Variants in AGBL4 observed in about 807,000 individuals in gnomAD.
AGBL4 encodes the protein AGBL carboxypeptidase 4.
AGBL4 carries 58 observed loss-of-function variants against 66.4 expected under a neutral mutation model. The ratio of observed to expected loss-of-function variants is 0.87; its 90% CI spans 0.71 to 1.09. The LOEUF (loss-of-function observed/expected upper bound fraction) is 1.09. AGBL4 is among the 50% of genes least tolerant of loss of function. The pLI is 0.00. For missense variants in AGBL4, 579 were observed against 631.0 expected (o/e 0.92, Z 0.88); for synonymous variants, 234 against 222.9 (o/e 1.05, Z -0.44).
At chr1:49,597,437 G>A (rs539722061) in intron 3 of AGBL4, among the ~76,000 whole-genome samples, 1 of 152,332 alleles carries the variant, frequency 6.6e-6, no homozygotes, top group East Asian at 1.9e-4. Flanking sequence ...CTCTGAAGAA[G>A]AGTCATCTCA....
chr1:48,968,202 C>T (rs369798314), intron 5 of AGBL4, among the ~76,000 whole-genome samples: 5 of 151,832 alleles, frequency 3.3e-5, no homozygotes, highest in Non-Finnish European at 7.4e-5. Context: ...ACAAGAAAAC[C>T]GAAGTGCTAG....
chr1:49,337,321 T>A lies in AGBL4; in HGVS notation c.283-91457A>T, dbSNP rs181811724. Among the ~76,000 whole-genome samples, 14 of 152,314 alleles carry A rather than the reference T, an allele frequency of 9.2e-5. No individual in the cohort carries two copies. The East Asian group carries it at 2.7e-3, about 29-fold the overall frequency. ...AGACAGACAGATGAAATCAGATTCATTAGATTCTGGCTGTCAAATAAAATA... is the reference window on the plus strand; with the variant it reads ...AGACAGACAGATGAAATCAGATTCAATAGATTCTGGCTGTCAAATAAAATA... On this transcript the variant is annotated intron_variant, in intron 3 of 13. Transcript: ENST00000371839.
chr1:48,591,090 A>T (rs866246340), intron 9 of AGBL4, 105 bp from the exon 10 acceptor site: 2 of 527,428 alleles, frequency 3.8e-6, no homozygotes, highest in Admixed American at 4.5e-5. Context: ...ACACCCACCC[A>T]CCCCCCCCCA....
At chr1:48,542,793 G>C (rs1644095461) in intron 11 of AGBL4, among the ~76,000 whole-genome samples, 1 of 152,118 alleles carries the variant, frequency 6.6e-6, no homozygotes. Context: ...TAGCTTGTCT[G>C]TTCACTCTGA....
intron 4 of AGBL4, among the ~76,000 whole-genome samples, chr1:49,063,042 T>C (rs1463884904): frequency 6.6e-6 from 1 of 152,228 alleles, no homozygotes; most frequent in Non-Finnish European, 1.5e-5. Context: ...AGTAAAGAGC[T>C]TTTGGTAATT....
rs938098859 is a variant in AGBL4 at position 49,846,495 on chromosome 1, T to C, written c.157+4901A>G. 7 of 921,810 alleles carry C rather than the reference T, an allele frequency of 7.6e-6. No individual in the cohort carries two copies. In the South Asian group the frequency reaches 1.1e-4, roughly 14 times the overall value. The allele number at this position is 921,810 out of a possible 1,614,324, so 57.1% of individuals were successfully genotyped here. On this transcript the variant is annotated intron_variant, in intron 2 of 13. Transcript: ENST00000371839. ...CAATCATACACATGAGAAACATATG[T>C]CTTTATCAACAGGGTGGAAACAGAC...
rs1352039259 is a variant in AGBL4, at chr1:49,931,913, T to A, written c.35-80395A>T. Among the ~76,000 whole-genome samples the A allele has an allele frequency of 2.6e-5, 4 of 152,102 alleles. No homozygotes were observed. The East Asian group carries it at 7.7e-4, about 29-fold the overall frequency. On this transcript the variant is annotated intron_variant, in intron 1 of 13. Coordinates refer to ENST00000371839, the MANE Select transcript of AGBL4 (RefSeq NM_032785.4). ...AAGGCAATGTGGCCCCAGTTGTGTA[T>A]CCCTAATCCAAAAATCCAAAATCCA...
At chr1:49,342,257 A>G (rs1457276077) in intron 3 of AGBL4, among the ~76,000 whole-genome samples, 3 of 152,174 alleles carry the variant, frequency 2.0e-5, no homozygotes, top group African/African-American at 7.2e-5. Context: ...ATTGATGAGA[A>G]AAAGGATTTG....
chr1:48,807,302 G>A (rs1645947870), intron 6 of AGBL4, among the ~76,000 whole-genome samples: 1 of 152,210 alleles, frequency 6.6e-6, no homozygotes. Context: ...TTACATGAAT[G>A]CATTTGAAGA....
At chr1:49,443,170 ATATTAGTCCTT>A (rs1646073910) in intron 3 of AGBL4, among the ~76,000 whole-genome samples, 1 of 151,926 alleles carries the variant, frequency 6.6e-6, no homozygotes, top group Non-Finnish European at 1.5e-5. Flanking sequence ...TATATTCTGG[ATATTAGTCCTT>A]TATCAGATCA....
At chr1:48,636,489 C>CTACT (rs1274259027) in intron 8 of AGBL4, among the ~76,000 whole-genome samples, 1 of 152,150 alleles carries the variant, frequency 6.6e-6, no homozygotes, top group Non-Finnish European at 1.5e-5. Context: ...GGTCACTGAG[C>CTACT]TACTATGTAA....
chr1:49,281,774 G>A (rs561433664), intron 3 of AGBL4, among the ~76,000 whole-genome samples: 6 of 152,264 alleles, frequency 3.9e-5, no homozygotes, highest in Non-Finnish European at 5.9e-5. Context: ...AATCTTCTGC[G>A]CTGCTGAACA....
At chr1:49,267,158 G>A (rs1328272701) in intron 3 of AGBL4, among the ~76,000 whole-genome samples, 1 of 152,210 alleles carries the variant, frequency 6.6e-6, no homozygotes, top group Non-Finnish European at 1.5e-5. Flanking sequence ...TGAATGGGAA[G>A]AGTACACTTT....
At chr1:48,543,072 G>T (rs545987768) in intron 11 of AGBL4, among the ~76,000 whole-genome samples, 1 of 152,204 alleles carries the variant, frequency 6.6e-6, no homozygotes, top group Admixed American at 6.5e-5. Context: ...GAGTACCCTG[G>T]CTGCATGTGT....
intron 2 of AGBL4, among the ~76,000 whole-genome samples, chr1:49,846,898 C>T (rs1448296882): frequency 6.6e-6 from 1 of 152,174 alleles, no homozygotes; most frequent in Non-Finnish European, 1.5e-5. Context: ...AAAATACTGA[C>T]ATTATTTTTA....
intron 1 of AGBL4, among the ~76,000 whole-genome samples, chr1:49,892,874 C>T (rs1396323646): frequency 6.6e-6 from 1 of 152,088 alleles, no homozygotes; most frequent in Non-Finnish European, 1.5e-5. Context: ...CCAGTTTACC[C>T]CATTATTCAT....
chr1:48,722,611 G>A (rs141069132), intron 6 of AGBL4, among the ~76,000 whole-genome samples: 19 of 152,202 alleles, frequency 1.2e-4, no homozygotes, highest in African/African-American at 4.1e-4. Context: ...ATTATAACAC[G>A]GTAAACTGAA....
At chr1:49,195,306 T>C (rs1647207844) in intron 4 of AGBL4, among the ~76,000 whole-genome samples, 1 of 152,246 alleles carries the variant, frequency 6.6e-6, no homozygotes, top group African/African-American at 2.4e-5. Flanking sequence ...TTTATTTCCA[T>C]GTTTAGAACT....
chr1:48,564,603 C>T (rs565298941), intron 11 of AGBL4, among the ~76,000 whole-genome samples: 2 of 152,314 alleles, frequency 1.3e-5, no homozygotes, highest in African/African-American at 4.8e-5. Context: ...ATGACTTCAT[C>T]TCTTAACCAG....
Sources: gnomAD v4.1 joint callset for allele counts (sites outside exome capture counted in the v4.1 genomes callset) on GRCh38, gnomAD v4.1.1 for gene constraint, MANE v1.5 for transcripts, NCBI Gene and HGNC (gene_info 2026-07-23, HGNC 2026-07-21) for gene names.